C3: variants seen among roughly 807,000 people sequenced by gnomAD.
C3 encodes the protein complement C3.
C3 carries 97 observed loss-of-function variants against 207.9 expected under a neutral mutation model. That is an observed-to-expected ratio of 0.47 (90% CI 0.40 to 0.55). The LOEUF (loss-of-function observed/expected upper bound fraction) is 0.55. Ranked by LOEUF, C3 falls within the 20% of genes least tolerant of loss-of-function variation. The pLI is 0.00. For synonymous variants in C3, 848 were observed against 857.6 expected, an observed-to-expected ratio of 0.99 and a Z score of 0.20; for missense variants, 1,684 against 2,171.7, an observed-to-expected ratio of 0.78 and a Z score of 4.46.
chr19:6,697,748 G>A lies in C3; in HGVS notation c.2487C>T (p.Phe829=). 5 of 1,614,020 alleles carry A rather than the reference G, an allele frequency of 3.1e-6. No individual in the cohort carries two copies. The highest frequency in any genetic ancestry group is 3.4e-6 in the Non-Finnish European group (4 of 1,179,970). The change falls in exon 20 of 41, where the codon TTC becomes TTT. Residue 829 remains phenylalanine (F), a synonymous_variant. Transcript: ENST00000245907. ...DPFEVTVMQD[F]FIDLRLPYSV... is the part of the protein sequence containing the mutation. ...AGTAGGGTAGCCGCAGGTCGATGAA[G>A]AAGTCCTGCATTACTGTGACCTCGA...
intron 38 of C3, 123 bp downstream of exon 38, chr19:6,679,002 C>T: frequency 1.3e-6 from 1 of 772,030 alleles, no homozygotes; most frequent in Non-Finnish European, 2.3e-6. Context: ...CATGCTCTCA[C>T]ACACACCACA....
In C3 at chr19:6,694,567, G is replaced by C. The variant is rs141373588; in HGVS notation, c.3018C>G (p.Thr1006=). The part of the protein sequence containing the change: ...DAERLKHLIV[T]PSGCGEQNMI... The stretch of plus-strand genomic sequence containing the variant: ...TGTTCTGTTCCCCGCAGCCCGAGGG[G>C]GTCACAATGAGGTGCTTCAGCCGTT... The change falls in exon 24 of 41, where the codon ACC becomes ACG. Residue 1006 remains threonine (T), a synonymous_variant. Transcript: ENST00000245907. The C allele has an allele frequency of 5.0e-6, 8 of 1,613,962 alleles. No homozygotes were observed. The South Asian group carries it at 7.7e-5, about 16-fold the overall frequency.
chr19:6,690,244 A>G (rs1176311179), intron 27 of C3, among the ~76,000 whole-genome samples: 1 of 152,218 alleles, frequency 6.6e-6, no homozygotes, highest in Admixed American at 6.5e-5. Flanking sequence ...ACGCAACTGT[A>G]CTGATCATGT....
chr19:6,694,752 G>C, intron 23 of C3, 118 bp from the exon 24 acceptor site: 1 of 862,466 alleles, frequency 1.2e-6, no homozygotes, highest in Non-Finnish European at 1.8e-6. Flanking sequence ...GACAGGCGAG[G>C]ACTGGGGAGG....
At chr19:6,709,617 C>T in intron 14 of C3, 67 bp downstream of exon 14, 1 of 1,077,926 alleles carries the variant, frequency 9.3e-7, no homozygotes, top group Non-Finnish European at 1.4e-6. Context: ...CCAGTCCCAC[C>T]CACCTCCCCC....
chr19:6,684,740 C>T, intron 31 of C3, 35 bp downstream of exon 31: 1 of 1,612,270 alleles, frequency 6.2e-7, no homozygotes, highest in Non-Finnish European at 8.5e-7. Context: ...GGCAGAGGGG[C>T]ATGGGCCAGG....
At chr19:6,681,419 G>A (rs11569556) in intron 35 of C3, among the ~76,000 whole-genome samples, 10,373 of 151,188 alleles carry the variant, frequency 0.069, 358 homozygotes, top group African/African-American at 0.083. Flanking sequence ...AGTGTCGCAG[G>A]CCTGCAGTTC....
intron 13 of C3, 47 bp downstream of exon 13, chr19:6,710,591 AG>A: frequency 7.8e-7 from 1 of 1,274,994 alleles, no homozygotes; most frequent in Non-Finnish European, 1.1e-6. Context: ...AGAGAGAGAG[AG>A]GAGTAGGGAG....
At chr19:6,685,197 C>T (rs1332788624) in intron 29 of C3, 51 bp from the exon 30 acceptor site, 9 of 1,568,142 alleles carry the variant, frequency 5.7e-6, no homozygotes, top group Non-Finnish European at 7.9e-6. Context: ...GGGAAAGTGG[C>T]TAGAATCCAG....
intron 23 of C3, among the ~76,000 whole-genome samples, chr19:6,695,838 C>T (rs1190958180): frequency 5.9e-5 from 9 of 152,094 alleles, no homozygotes; most frequent in Admixed American, 5.2e-4. Context: ...GATGTATCAG[C>T]GAAAGCTCTT....
intron 27 of C3, among the ~76,000 whole-genome samples, chr19:6,688,892 G>C (rs933815559): frequency 6.6e-5 from 10 of 152,102 alleles, no homozygotes; most frequent in African/African-American, 2.4e-4. Context: ...TCCAGATATA[G>C]TCATCTGACC....
intron 38 of C3, 77 bp downstream of exon 38, chr19:6,679,048 C>T: frequency 1.7e-6 from 2 of 1,158,328 alleles, no homozygotes; most frequent in Non-Finnish European, 2.6e-6. Flanking sequence ...CACACCATGA[C>T]AACCACACCT....
chr19:6,678,115 T>C (rs1410586708), intron 40 of C3, 37 bp downstream of exon 40: 1 of 1,613,896 alleles, frequency 6.2e-7, no homozygotes, highest in African/African-American at 1.3e-5. Context: ...GGCGGGGCAG[T>C]CGGGCGGTCG....
At chr19:6,709,891 A>G (rs1599521538) in intron 13 of C3, 49 bp from the exon 14 acceptor site, 1 of 1,450,422 alleles carries the variant, frequency 6.9e-7, no homozygotes, top group South Asian at 1.1e-5. Flanking sequence ...GGGAGAGAGG[A>G]GTGCCTGGGA....
chr19:6,707,645 G>C, intron 15 of C3, 108 bp from the exon 16 acceptor site: 8 of 1,531,550 alleles, frequency 5.2e-6, no homozygotes, highest in Non-Finnish European at 7.2e-6. Context: ...CCCATTTGAT[G>C]GAAGAGCAAA....
Position 6,678,154 on chromosome 19 carries a change from G to A in C3, c.4848C>T (p.Pro1616=). Residue 1616 remains proline (P), a splice_region_variant and synonymous_variant, in exon 40 of 41, where the codon CCC becomes CCT. Coordinates refer to ENST00000245907, the MANE Select transcript of C3 (RefSeq NM_000064.4). ...GCACGCGCAGGGAAAGCACTCACTT[G>A]GGCTTCTCTCCCCAGAAATCGGAGG... ...GLSSDFWGEK[P]NLSYIIGKDT... 2 of 1,614,214 alleles carry A rather than the reference G, an allele frequency of 1.2e-6. No homozygotes were observed. The highest frequency in any genetic ancestry group is 1.7e-6 in the Non-Finnish European group (2 of 1,180,036).
chr19:6,688,680 G>A (rs1918076388), intron 27 of C3, among the ~76,000 whole-genome samples: 1 of 152,170 alleles, frequency 6.6e-6, no homozygotes, highest in Non-Finnish European at 1.5e-5. Flanking sequence ...TTGACCCCAG[G>A]AGTCTGGTTT....
rs957097059 is a variant in C3, at chr19:6,679,309, C to A, written c.4546+98G>T. ...CTGGGAGCCTACCCCCCTTGGTATC[C>A]CCTGGGTATGGGTCTGGGGGTCCCT... On this transcript the variant is annotated intron_variant, in intron 37 of 40. Transcript: ENST00000245907. 43 of 1,445,488 alleles carry A rather than the reference C, an allele frequency of 3.0e-5. No individual in the cohort carries two copies. The South Asian group carries it at 4.7e-4, about 16-fold the overall frequency. 89.5% of individuals were successfully genotyped at this position (1,445,488 alleles called of 1,614,324 possible).
intron 14 of C3, 134 bp downstream of exon 14, chr19:6,709,550 T>C (rs1003131064): frequency 3.1e-5 from 31 of 996,046 alleles, no homozygotes; most frequent in Non-Finnish European, 4.8e-5. Context: ...ACCATCCCTG[T>C]GTCTGGTCTG....
Sources: gnomAD v4.1 joint callset for allele counts (sites outside exome capture counted in the v4.1 genomes callset) on GRCh38, gnomAD v4.1.1 for gene constraint, MANE v1.5 for transcripts, NCBI Gene and HGNC (gene_info 2026-07-23, HGNC 2026-07-21) for gene names.